Variants in ADAM29 observed in about 807,000 individuals in gnomAD.
ADAM29 encodes disintegrin and metalloproteinase domain-containing protein 29.
For missense variants in ADAM29, 969 were observed against 1,001.8 expected, an observed-to-expected ratio of 0.97 and a Z score of 0.44; for synonymous variants, 367 against 342.3, an observed-to-expected ratio of 1.07 and a Z score of -0.80.
At position 174,976,430 on chromosome 4, in the gene ADAM29, C is replaced by T. The variant is rs774102604; in HGVS notation, c.905C>T (p.Ala302Val). Residue 302 changes from alanine (A) to valine (V), a missense_variant, in exon 5 of 5, where the codon GCT (alanine) becomes GTT (valine). By Grantham distance (64) the Ala-to-Val change is moderately conservative (BLOSUM62 0). Coordinates refer to ENST00000359240, the MANE Select transcript of ADAM29 (RefSeq NM_014269.4). The stretch of plus-strand genomic sequence containing the variant: ...TTAAGAGGGTTAAGTGGCATAGGAG[C>T]TTTTAGAGGAATGTGTACACCACAC... ...LGLRGLSGIGAFRGMCTPHRS... is the reference protein window; with the variant it reads ...LGLRGLSGIGVFRGMCTPHRS... 2 of 1,598,538 alleles carry T rather than the reference C, an allele frequency of 1.3e-6. No individual in the cohort carries two copies. The highest frequency in any genetic ancestry group is 1.3e-5 in the African/African-American group (1 of 74,440).
In ADAM29 at chr4:174,920,722, C is replaced by T. The variant is rs1230656968; in HGVS notation, c.-521C>T. 1.3e-5 allele frequency: 2 copies of T among 152,040 alleles called. No homozygotes were observed. Among genetic ancestry groups the T allele is most frequent in the Non-Finnish European group, 2.9e-5 (2 of 67,992 alleles). 9.4% of individuals were successfully genotyped at this position (152,040 alleles called of 1,614,324 possible). Reference sequence around the variant, plus strand: ...GAATAAAGGAAAGAAGGTTTATATACACTAATAATAGAAATGTTTTGGGAT... The same window carrying T: ...GAATAAAGGAAAGAAGGTTTATATATACTAATAATAGAAATGTTTTGGGAT... On this transcript the variant is annotated 5_prime_UTR_variant, in exon 2 of 5. Transcript: ENST00000359240.
rs1169994165 is a variant in ADAM29, at chr4:174,975,774, C to T, written c.249C>T (p.Tyr83=). ...CCAAACACCTCCCTGTGTTCACCTA[C>T]ACAGACCAGGGTGCTATCCTTGAGG... is the stretch of plus-strand genomic sequence containing the variant. ...LFSKHLPVFT[Y]TDQGAILEDQ... is the part of the protein sequence containing the mutation. Residue 83 remains tyrosine, a synonymous_variant, in exon 5 of 5, where the codon TAC becomes TAT. Transcript: ENST00000359240. 1.2e-6 allele frequency: 2 copies of T among 1,614,110 alleles called. No homozygotes were observed.
chr4:174,955,383 CTT>C (rs1166790531), intron 4 of ADAM29, among the ~76,000 whole-genome samples: 1 of 151,960 alleles, frequency 6.6e-6, no homozygotes, highest in Non-Finnish European at 1.5e-5. Context: ...CCACTAGACT[CTT>C]TTAATATTTG....
chr4:174,962,521 A>G (rs1383521813), intron 4 of ADAM29, among the ~76,000 whole-genome samples: 3 of 152,158 alleles, frequency 2.0e-5, no homozygotes, highest in Non-Finnish European at 2.9e-5. Flanking sequence ...CAAAAAAAAA[A>G]AAAAAAAGAT....
chr4:174,938,728 A>C (rs1744338947), intron 4 of ADAM29, among the ~76,000 whole-genome samples: 1 of 152,118 alleles, frequency 6.6e-6, no homozygotes, highest in South Asian at 2.1e-4. Context: ...TTGTTGGTGT[A>C]ATGTTTTATT....
chr4:174,927,266 C>T (rs984866516), intron 2 of ADAM29, among the ~76,000 whole-genome samples: 36 of 152,252 alleles, frequency 2.4e-4, no homozygotes, highest in African/African-American at 6.5e-4. Context: ...CTTATGTTTA[C>T]GCAAAAACCT....
chr4:174,963,004 T>C (rs1745934106), intron 4 of ADAM29, among the ~76,000 whole-genome samples: 1 of 152,142 alleles, frequency 6.6e-6, no homozygotes, highest in Admixed American at 6.5e-5. Context: ...ATAAGACAAT[T>C]AGTGTTTTGT....
chr4:174,950,296 G>A (rs1745094506), intron 4 of ADAM29, among the ~76,000 whole-genome samples: 1 of 152,112 alleles, frequency 6.6e-6, no homozygotes, highest in African/African-American at 2.4e-5. Flanking sequence ...GAAGTCTCCA[G>A]TATGATAAAC....
rs559289152 is a variant in ADAM29, at chr4:174,928,365, G to C, written c.-450-2621G>C. ...GTTTTTTGCCAGCTTTGTTATGCAA[G>C]GTGAACAGACATGTCAACCGCATCC... On this transcript the variant is annotated intron_variant, in intron 2 of 4. Coordinates refer to ENST00000359240, the MANE Select transcript of ADAM29 (RefSeq NM_014269.4). Among the ~76,000 whole-genome samples the C allele has an allele frequency of 3.9e-5, 6 of 152,084 alleles. No individual in the cohort carries two copies. In the East Asian group the frequency reaches 1.2e-3, roughly 30 times the overall value.
rs1322233076 is a variant in ADAM29 at position 174,977,846 on chromosome 4, C to T, written c.2321C>T (p.Pro774Leu). 1.9e-6 allele frequency: 3 copies of T among 1,584,470 alleles called. No individual in the cohort carries two copies. The highest frequency in any genetic ancestry group is 1.4e-5 in the African/African-American group (1 of 71,602). The change falls in exon 5 of 5, where the codon CCT becomes CTT. Residue 774 changes from proline to leucine, a missense_variant. Transcript: ENST00000359240. ...TCCCAGAGTCAACCTCGGGTGATGC[C>T]TTCTCAGAGTCAACCTCCTGTGATG... ...TPSQSQPRVMPSQSQPPVMPS... is the reference protein window; with the variant it reads ...TPSQSQPRVMLSQSQPPVMPS...
At chr4:174,972,898 G>A (rs541572338) in intron 4 of ADAM29, among the ~76,000 whole-genome samples, 2 of 152,030 alleles carry the variant, frequency 1.3e-5, no homozygotes, top group Non-Finnish European at 2.9e-5. Context: ...CTGAGAAGTA[G>A]GGAAGATCTA....
chr4:174,972,178 G>A (rs1312711301), intron 4 of ADAM29, among the ~76,000 whole-genome samples: 1 of 152,040 alleles, frequency 6.6e-6, no homozygotes, highest in Admixed American at 6.6e-5. Flanking sequence ...GTTTCATTAG[G>A]GTTGGTTTCT....
chr4:174,920,103 C>G (rs1743084714), intron 1 of ADAM29, among the ~76,000 whole-genome samples: 1 of 152,132 alleles, frequency 6.6e-6, no homozygotes, highest in Non-Finnish European at 1.5e-5. Flanking sequence ...ATCATGTTAC[C>G]TATTCATACA....
intron 4 of ADAM29, among the ~76,000 whole-genome samples, chr4:174,969,503 G>A (rs1487228681): frequency 6.6e-6 from 1 of 151,554 alleles, no homozygotes; most frequent in Non-Finnish European, 1.5e-5. Context: ...GAAAATACAA[G>A]TAACAATTAA....
chr4:174,941,151 A>G (rs1487096018), intron 4 of ADAM29, among the ~76,000 whole-genome samples: 1 of 152,180 alleles, frequency 6.6e-6, no homozygotes, highest in African/African-American at 2.4e-5. Flanking sequence ...AGAAATTTCA[A>G]ATTATTTAAT....
chr4:174,937,415 C>T (rs946900370), intron 4 of ADAM29, among the ~76,000 whole-genome samples: 5 of 151,908 alleles, frequency 3.3e-5, no homozygotes, highest in Non-Finnish European at 7.4e-5. Context: ...CTGTTGAATC[C>T]TAAGTTATTT....
rs77391683 is a variant in ADAM29, at chr4:174,972,340, C to A, written c.-180-3006C>A. Among the ~76,000 whole-genome samples the A allele has an allele frequency of 7.7e-3, 1,169 of 152,286 alleles. 14 individuals carry two copies. Among genetic ancestry groups the A allele is most frequent in the African/African-American group, 0.027 (1,105 of 41,564 alleles). On this transcript the variant is annotated intron_variant, in intron 4 of 4. Coordinates refer to ENST00000359240, the MANE Select transcript of ADAM29 (RefSeq NM_014269.4). ...TGTATAGGAGGAAACCTCCACCAAC[C>A]AGCAAAGCCAGAGATTCTAGTCCTT...
At chr4:174,942,406 A>C (rs1030952514) in intron 4 of ADAM29, among the ~76,000 whole-genome samples, 1 of 152,194 alleles carries the variant, frequency 6.6e-6, no homozygotes, top group African/African-American at 2.4e-5. Flanking sequence ...GGACATTTCC[A>C]TACATCATTT....
intron 4 of ADAM29, among the ~76,000 whole-genome samples, chr4:174,954,294 A>G (rs1745366005): frequency 6.6e-6 from 1 of 152,078 alleles, no homozygotes; most frequent in Admixed American, 6.6e-5. Flanking sequence ...TATCTTTGTC[A>G]TTTATATTTT....
Sources: gnomAD v4.1 joint callset for allele counts (sites outside exome capture counted in the v4.1 genomes callset) on GRCh38, gnomAD v4.1.1 for gene constraint, MANE v1.5 for transcripts, NCBI Gene and HGNC (gene_info 2026-07-23, HGNC 2026-07-21) for gene names.